The following GNL3L variants were observed in gnomAD, a reference collection of about 807,000 sequenced individuals.
GNL3L encodes guanine nucleotide-binding protein-like 3-like protein.
In GNL3L, 4 loss-of-function variants were observed where a neutral mutation model predicts 42.9. The observed-to-expected ratio is 0.09, with a 90% confidence interval of 0.05 to 0.21. GNL3L has a LOEUF of 0.21. Ranked by LOEUF, GNL3L falls within the 10% of genes least tolerant of loss-of-function variation. The probability of loss-of-function intolerance (pLI) is 1.00; values close to 1 mark genes in which losing one functional copy is unlikely to be tolerated. For missense variants in GNL3L, 412 were observed against 481.7 expected, an observed-to-expected ratio of 0.86 and a Z score of 1.36; for synonymous variants, 159 against 176.3, an observed-to-expected ratio of 0.90 and a Z score of 0.78.
the GNL3L span, among the ~76,000 whole-genome samples, chrX:54,633,938 T>C: frequency 1.8e-5 from 2 of 112,966 alleles, no homozygotes; most frequent in African/African-American, 6.4e-5. Flanking sequence ...ATTTAAAGTA[T>C]GTCATCTTAG....
chrX:54,543,981 A>G (rs758224930), intron 7 of GNL3L: 1 of 311,231 alleles, frequency 3.2e-6, no homozygotes, highest in Admixed American at 5.6e-5. Flanking sequence ...GGGACCAGAT[A>G]GCTAGTTTGT....
chrX:54,552,537 T>C (rs1295421645), intron 13 of GNL3L, 109 bp downstream of exon 13: 1 of 709,871 alleles, frequency 1.4e-6, no homozygotes, highest in Non-Finnish European at 2.1e-6. Flanking sequence ...ACTTGGGCTT[T>C]GGGCAAGTTG....
intron 2 of GNL3L, among the ~76,000 whole-genome samples, chrX:54,537,393 A>G (rs1924469706): frequency 2.7e-5 from 3 of 110,809 alleles, no homozygotes. Context: ...AACTTAAGGA[A>G]CTTTCGTCTG....
downstream of GNL3L, among the ~76,000 whole-genome samples, chrX:54,572,054 A>G (rs1294596931): frequency 2.8e-5 from 3 of 107,416 alleles, no homozygotes; most frequent in Non-Finnish European, 5.8e-5. Context: ...TTCTCACAGA[A>G]GGGGATTTGG....
chrX:54,583,056 A>G (rs766559369), intron 16 of GNL3L, among the ~76,000 whole-genome samples: 111 of 111,683 alleles, frequency 9.9e-4, no homozygotes, highest in South Asian at 5.5e-3. Flanking sequence ...TGTATTCTAG[A>G]TATTAGTCAT....
chrX:54,534,964 AT>A (rs894798817), intron 2 of GNL3L, among the ~76,000 whole-genome samples: 6 of 111,061 alleles, frequency 5.4e-5, no homozygotes, highest in African/African-American at 9.8e-5. Context: ...CAAACCTCAC[AT>A]TTTTTTTGTT....
At chrX:54,618,108 A>C (rs1285661051) in intron 16 of GNL3L, among the ~76,000 whole-genome samples, 1 of 111,168 alleles carries the variant, frequency 9.0e-6, no homozygotes, top group African/African-American at 3.3e-5. Context: ...CACATATAGG[A>C]GCTGGCTTCA....
chrX:54,580,244 C>T (rs372406039), intron 16 of GNL3L, among the ~76,000 whole-genome samples: 12 of 98,215 alleles, frequency 1.2e-4, no homozygotes, highest in South Asian at 1.0e-3. Context: ...TGAGAACATG[C>T]GGTGTTTGGT....
chrX:54,625,849 A>G (rs193023842), downstream of GNL3L, among the ~76,000 whole-genome samples: 2 of 108,445 alleles, frequency 1.8e-5, no homozygotes, highest in African/African-American at 3.5e-5. Flanking sequence ...TTTTTATAAC[A>G]TGACAAAATA....
chrX:54,607,046 TTC>T (rs1381652404), intron 16 of GNL3L, among the ~76,000 whole-genome samples: 2 of 71,241 alleles, frequency 2.8e-5, no homozygotes, highest in African/African-American at 1.8e-4. Context: ...CTTTCTTTCT[TTC>T]TTTCTTTCTT....
chrX:54,530,426 A>G lies in GNL3L; in HGVS notation c.-48+7A>G, dbSNP rs1011415816. 1 of 111,697 alleles carries G rather than the reference A, an allele frequency of 9.0e-6. No individual in the cohort carries two copies. Among genetic ancestry groups the G allele is most frequent in the Admixed American group, 9.5e-5 (1 of 10,515 alleles). 9.2% of individuals were successfully genotyped at this position (111,697 alleles called of 1,213,427 possible). A position where few individuals can be genotyped will look rare whatever the true frequency, so the allele number is the denominator to read the frequency against. ...GCCAACCTGGAATAGAGAGGTAAAC[A>G]GCAGGATCCCTTCCAGGGTAGAAGG... is the stretch of plus-strand genomic sequence containing the variant. On this transcript the variant is annotated splice_region_variant and intron_variant, in intron 1 of 15. Transcript: ENST00000360845.
At chrX:54,609,449 C>T (rs988410037) in intron 16 of GNL3L, among the ~76,000 whole-genome samples, 1 of 112,091 alleles carries the variant, frequency 8.9e-6, no homozygotes. Flanking sequence ...AGGGTTTTTC[C>T]GATGTTATCT....
chrX:54,628,841 C>A, the GNL3L span, among the ~76,000 whole-genome samples: 5 of 106,232 alleles, frequency 4.7e-5, no homozygotes, highest in African/African-American at 6.8e-5. Context: ...TTGCTTATTT[C>A]TTTTGCTGTG....
intron 12 of GNL3L, 141 bp downstream of exon 12, chrX:54,552,115 C>T: frequency 1.2e-6 from 1 of 802,572 alleles, no homozygotes. Context: ...AGGTCATGTC[C>T]TGCTCGAGAC....
chrX:54,566,324 A>G lies in GNL3L; in HGVS notation c.*5722A>G, dbSNP rs997954813. ...CACACATATGTACCACATTTTCTTT[A>G]TCCAGTCTTTCGTTGATAGACATTT... On this transcript the variant is annotated 3_prime_UTR_variant, in exon 16 of 16. Coordinates refer to ENST00000360845, the MANE Select transcript of GNL3L (RefSeq NM_001184819.2). 7.2e-5 allele frequency among the ~76,000 whole-genome samples: 8 copies of G among 111,756 alleles called. No homozygotes were observed. The highest frequency in any genetic ancestry group is 2.0e-4 in the African/African-American group (6 of 30,698).
At position 54,539,091 on chromosome X, in the gene GNL3L, C is replaced by T. The variant is rs898031469; in HGVS notation, c.71C>T (p.Pro24Leu). 2.7e-6 allele frequency: 3 copies of T among 1,125,046 alleles called. No homozygotes were observed. Among genetic ancestry groups the T allele is most frequent in the Non-Finnish European group, 3.6e-6 (3 of 822,918 alleles). The allele number at this position is 1,125,046 out of a possible 1,213,427, so 92.7% of individuals were successfully genotyped here. A position where few individuals can be genotyped will look rare whatever the true frequency, so the allele number is the denominator to read the frequency against. The change falls in exon 3 of 16, where the codon CCC becomes CTC. Residue 24 changes from proline (P) to leucine (L), a missense_variant. Transcript: ENST00000360845. The part of the protein sequence containing the change: ...GSKGHKKISW[P>L]YPQPAKQNGK... ...AAGGGCCACAAGAAGATAAGTTGGCCCTACCCTCAGGTAAGGTATGCCTGT... is the reference window on the plus strand; with the variant it reads ...AAGGGCCACAAGAAGATAAGTTGGCTCTACCCTCAGGTAAGGTATGCCTGT...
chrX:54,586,879 A>G (rs935070546), intron 16 of GNL3L, among the ~76,000 whole-genome samples: 2 of 111,024 alleles, frequency 1.8e-5, no homozygotes, highest in African/African-American at 6.6e-5. Context: ...GGTGTCTGAG[A>G]TCGGGCCCAC....
Position 54,552,422 on chromosome X carries a change from A to G in GNL3L, c.1312A>G (p.Met438Val), listed in dbSNP as rs759570223. The stretch of plus-strand genomic sequence containing the variant: ...TACTGAGCAGGCCAATGAAGACACC[A>G]TGGAATGTAAGTGTGGGCAGGGTGG... ...EDTEQANEDT[M>V]ECLATGESDE... is the part of the protein sequence containing the mutation. The change falls in exon 13 of 16, where the codon ATG (methionine) becomes GTG (valine). Residue 438 changes from methionine (M) to valine (V), a missense_variant. Met to Val is a conservative substitution (Grantham distance 21, BLOSUM62 1). Coordinates refer to ENST00000360845, the MANE Select transcript of GNL3L (RefSeq NM_001184819.2). The G allele has an allele frequency of 1.7e-5, 20 of 1,210,160 alleles. 1 individual carries two copies. In the South Asian group the frequency reaches 2.6e-4, roughly 16 times the overall value.
Position 54,563,816 on chromosome X carries a change from C to T in GNL3L, c.*3214C>T, listed in dbSNP as rs1339240942. Among the ~76,000 whole-genome samples, 2 of 110,834 alleles carry T rather than the reference C, an allele frequency of 1.8e-5. No homozygotes were observed. Among genetic ancestry groups the T allele is most frequent in the African/African-American group, 3.3e-5 (1 of 30,406 alleles). ...AAAAAAAAGAGGAAAACAAAAAAGA[C>T]GTTGGGAGTGCAGTTTCTCTACCTA... is the stretch of plus-strand genomic sequence containing the variant. On this transcript the variant is annotated 3_prime_UTR_variant, in exon 16 of 16. Coordinates refer to ENST00000360845, the MANE Select transcript of GNL3L (RefSeq NM_001184819.2).
Sources: gnomAD v4.1 joint callset for allele counts (sites outside exome capture counted in the v4.1 genomes callset) on GRCh38, gnomAD v4.1.1 for gene constraint, MANE v1.5 for transcripts, NCBI Gene and HGNC (gene_info 2026-07-23, HGNC 2026-07-21) for gene names.